The following SLC9A9 variants were observed in gnomAD, a reference collection of about 807,000 sequenced individuals.
The protein encoded by SLC9A9 is solute carrier family 9 member A9, also known as sodium/hydrogen exchanger 9.
Under a neutral mutation model 77.8 loss-of-function variants are expected in SLC9A9, and 62 were observed. The ratio of observed to expected loss-of-function variants is 0.80; its 90% CI spans 0.65 to 0.98. The LOEUF (loss-of-function observed/expected upper bound fraction) is 0.98, where lower values mean the gene tolerates loss of function less well. Among genes scored for constraint, SLC9A9 ranks in the 50% least tolerant of loss-of-function variants. The probability of loss-of-function intolerance (pLI) is 0.00; values close to 1 mark genes in which losing one functional copy is unlikely to be tolerated. For synonymous variants in SLC9A9, 320 were observed against 283.5 expected, an observed-to-expected ratio of 1.13 and a Z score of -1.29; for missense variants, 775 against 774.9, an observed-to-expected ratio of 1.00 and a Z score of 0.00.
Position 143,795,011 on chromosome 3 carries a change from T to TA in SLC9A9, c.522_523insT (p.Ile175TyrfsTer29). The TA allele has an allele frequency of 6.2e-7, 1 of 1,614,034 alleles. No homozygotes were observed. Reference sequence around the variant, plus strand: ...CCGAATGTCACTTACCCTATGACGATGCAGGAGATGGCAGTTCCCAAGAAG... The same window carrying TA: ...CCGAATGTCACTTACCCTATGACGATAGCAGGAGATGGCAGTTCCCAAGAAG... On this transcript the variant is annotated frameshift_variant, in exon 4 of 16. Coordinates refer to ENST00000316549, the MANE Select transcript of SLC9A9 (RefSeq NM_173653.4). LOFTEE classifies it high-confidence loss of function.
At chr3:143,396,974 CAAGAAT>C (rs1160882357) in intron 12 of SLC9A9, among the ~76,000 whole-genome samples, 1 of 152,094 alleles carries the variant, frequency 6.6e-6, no homozygotes, top group Non-Finnish European at 1.5e-5. Flanking sequence ...GAAAAATAAA[CAAGAAT>C]AAGCAAGTAC....
chr3:143,681,946 C>T (rs1016578148), intron 5 of SLC9A9, among the ~76,000 whole-genome samples: 8 of 152,156 alleles, frequency 5.3e-5, no homozygotes, highest in Admixed American at 4.6e-4. Flanking sequence ...ACTACTACCA[C>T]CTTCCTACCA....
intron 9 of SLC9A9, among the ~76,000 whole-genome samples, chr3:143,549,940 T>C (rs867601951): frequency 3.3e-5 from 5 of 152,174 alleles, no homozygotes; most frequent in East Asian, 3.8e-4. Flanking sequence ...AAAGACTATA[T>C]GTTGGAGGTT....
chr3:143,561,013 T>G (rs1459192475), intron 8 of SLC9A9, among the ~76,000 whole-genome samples: 2 of 152,286 alleles, frequency 1.3e-5, no homozygotes, highest in East Asian at 3.9e-4. Flanking sequence ...AAACCCCGTC[T>G]CTACTAAAAA....
intron 4 of SLC9A9, among the ~76,000 whole-genome samples, chr3:143,770,893 C>A (rs1311674996): frequency 6.6e-6 from 1 of 152,022 alleles, no homozygotes; most frequent in Non-Finnish European, 1.5e-5. Flanking sequence ...AAAGGAAATA[C>A]AAATAGCTCC....
intron 6 of SLC9A9, among the ~76,000 whole-genome samples, chr3:143,625,793 C>T (rs1039027168): frequency 5.9e-5 from 9 of 152,272 alleles, no homozygotes; most frequent in African/African-American, 1.9e-4. Flanking sequence ...AGAGCTTCTG[C>T]ACAGCAAAAG....
intron 14 of SLC9A9, among the ~76,000 whole-genome samples, chr3:143,296,025 A>G (rs2030252980): frequency 6.6e-6 from 1 of 152,202 alleles, no homozygotes; most frequent in Non-Finnish European, 1.5e-5. Flanking sequence ...GGCATTGCCC[A>G]TCAGAGCTGG....
intron 14 of SLC9A9, among the ~76,000 whole-genome samples, chr3:143,339,729 G>A (rs759443399): frequency 2.0e-5 from 3 of 152,046 alleles, no homozygotes; most frequent in African/African-American, 2.4e-5. Context: ...CAATAATCAC[G>A]TCTACTCTGA....
intron 9 of SLC9A9, among the ~76,000 whole-genome samples, chr3:143,533,446 T>C (rs1343879507): frequency 6.6e-6 from 1 of 151,998 alleles, no homozygotes; most frequent in Non-Finnish European, 1.5e-5. Context: ...TATTAATAAT[T>C]CCAGAAGTCA....
intron 12 of SLC9A9, among the ~76,000 whole-genome samples, chr3:143,412,136 A>G (rs959327697): frequency 6.6e-6 from 1 of 152,062 alleles, no homozygotes; most frequent in Admixed American, 6.5e-5. Flanking sequence ...AGGGAACTAC[A>G]AAATCTAAGG....
chr3:143,364,541 C>T lies in SLC9A9; in HGVS notation c.1525-978G>A, dbSNP rs1230208346. On this transcript the variant is annotated intron_variant, in intron 13 of 15. Coordinates refer to ENST00000316549, the MANE Select transcript of SLC9A9 (RefSeq NM_173653.4). ...GTCTACTGGATGCTCCACAGCCAGC[C>T]CTTAGATGAGCTCATATTGATTTGC... Among the ~76,000 whole-genome samples, 3 of 152,094 alleles carry T rather than the reference C, an allele frequency of 2.0e-5. No homozygotes were observed. The East Asian group carries it at 5.8e-4, about 29-fold the overall frequency.
chr3:143,401,481 G>T (rs113151031), intron 12 of SLC9A9, among the ~76,000 whole-genome samples: 65 of 152,262 alleles, frequency 4.3e-4, no homozygotes, highest in African/African-American at 1.4e-3. Flanking sequence ...AGTGTAGAAA[G>T]CTATTCACAT....
chr3:143,666,258 G>GA (rs1444347527), intron 5 of SLC9A9, among the ~76,000 whole-genome samples: 1 of 152,134 alleles, frequency 6.6e-6, no homozygotes, highest in Non-Finnish European at 1.5e-5. Context: ...AATAGATGCA[G>GA]AAAAAGCCTT....
chr3:143,336,299 A>C (rs1294461313), intron 14 of SLC9A9, among the ~76,000 whole-genome samples: 1 of 152,168 alleles, frequency 6.6e-6, no homozygotes, highest in Non-Finnish European at 1.5e-5. Flanking sequence ...GAGAATGTAA[A>C]AGGGTGCAGC....
chr3:143,572,431 T>C (rs191442102), intron 8 of SLC9A9, among the ~76,000 whole-genome samples: 60 of 152,320 alleles, frequency 3.9e-4, no homozygotes, highest in Non-Finnish European at 6.2e-4. Context: ...TTATTAATAC[T>C]ACTTGGATCA....
intron 10 of SLC9A9, 92 bp from the exon 11 acceptor site, chr3:143,493,856 T>G (rs2035790713): frequency 1.1e-6 from 1 of 936,912 alleles, no homozygotes; most frequent in Admixed American, 1.8e-5. Context: ...CAAGCTTCTC[T>G]TCATTATGAC....
chr3:143,538,045 T>C (rs2036621933), intron 9 of SLC9A9, among the ~76,000 whole-genome samples: 1 of 152,236 alleles, frequency 6.6e-6, no homozygotes, highest in Non-Finnish European at 1.5e-5. Flanking sequence ...CTTAGGTCCA[T>C]GAACATTCTG....
At chr3:143,387,631 C>T (rs1476246207) in intron 12 of SLC9A9, among the ~76,000 whole-genome samples, 1 of 152,076 alleles carries the variant, frequency 6.6e-6, no homozygotes, top group Non-Finnish European at 1.5e-5. Context: ...ACTCCGGGTT[C>T]CTCATTTACA....
chr3:143,419,390 T>C lies in SLC9A9; in HGVS notation c.1470-37276A>G, dbSNP rs947236078. Among the ~76,000 whole-genome samples the C allele has an allele frequency of 3.8e-4, 58 of 152,254 alleles. 1 individual carries two copies. The highest frequency in any genetic ancestry group is 1.3e-3 in the African/African-American group (56 of 41,550). On this transcript the variant is annotated intron_variant, in intron 12 of 15. Transcript: ENST00000316549. The stretch of plus-strand genomic sequence containing the variant: ...AACCCAGGCAGCCTTGCCCTAAAAT[T>C]CATGCTCAGTACCTCTAAGTTTCTC...
Sources: allele counts gnomAD v4.1 joint callset (sites outside exome capture counted in the v4.1 genomes callset), GRCh38; gene constraint gnomAD v4.1.1; transcripts MANE v1.5; gene names NCBI Gene and HGNC (gene_info 2026-07-23, HGNC 2026-07-21).